The following GUCY1A2 variants were observed in gnomAD, a reference collection of about 807,000 sequenced individuals.
GUCY1A2 encodes the protein guanylate cyclase soluble subunit alpha-2.
A neutral mutation model predicts 63.5 loss-of-function variants in GUCY1A2; 27 were observed. The observed-to-expected ratio is 0.43, with a 90% CI of 0.31 to 0.59. GUCY1A2 has a LOEUF of 0.59. Among genes scored for constraint, GUCY1A2 ranks in the 20% least tolerant of loss-of-function variants. The pLI, the probability that GUCY1A2 is intolerant of heterozygous loss-of-function variation, is 0.11. For synonymous variants in GUCY1A2, 364 were observed against 343.5 expected (o/e 1.06, Z -0.66); for missense variants, 768 against 913.3 (o/e 0.84, Z 2.05).
chr11:106,788,470 G>GT (rs1864603594), intron 5 of GUCY1A2, among the ~76,000 whole-genome samples: 1 of 152,126 alleles, frequency 6.6e-6, no homozygotes, highest in Non-Finnish European at 1.5e-5. Context: ...CCACTCCAAT[G>GT]TCCTGAAGAG....
In GUCY1A2 at chr11:107,000,190, G is replaced by C. The variant is rs148507957; in HGVS notation, c.304-14059C>G. Among the ~76,000 whole-genome samples the C allele has an allele frequency of 2.3e-3, 353 of 152,314 alleles. 9 individuals carry two copies. The highest frequency in any genetic ancestry group is 9.1e-4 in the Non-Finnish European group (62 of 68,024). On this transcript the variant is annotated intron_variant, in intron 1 of 7. Coordinates refer to ENST00000526355, the MANE Select transcript of GUCY1A2 (RefSeq NM_000855.3). ...GGAAGATTGGTTTTCTTTGAAATGT[G>C]TTTACAATGGCAATAAGTTAACACA...
At chr11:106,973,851 T>A (rs1277842746) in intron 3 of GUCY1A2, among the ~76,000 whole-genome samples, 1 of 152,130 alleles carries the variant, frequency 6.6e-6, no homozygotes, top group Non-Finnish European at 1.5e-5. Context: ...AAAGCAAACA[T>A]TCATGTTCCA....
intron 3 of GUCY1A2, among the ~76,000 whole-genome samples, chr11:106,966,744 T>A (rs773755069): frequency 6.6e-6 from 1 of 152,158 alleles, no homozygotes; most frequent in African/African-American, 2.4e-5. Context: ...TTAAAGAAAT[T>A]GTATAAATTT....
chr11:106,807,783 G>A (rs1858711820), intron 5 of GUCY1A2, among the ~76,000 whole-genome samples: 1 of 152,178 alleles, frequency 6.6e-6, no homozygotes, highest in South Asian at 2.1e-4. Flanking sequence ...ATAAAAGCAG[G>A]CAGAGGAATG....
intron 2 of GUCY1A2, among the ~76,000 whole-genome samples, chr11:106,979,328 G>A (rs569518010): frequency 6.6e-6 from 1 of 152,110 alleles, no homozygotes; most frequent in Non-Finnish European, 1.5e-5. Context: ...GGTGGCAGGC[G>A]CCTGTAGTCC....
chr11:106,704,711 G>T (rs1164536210), intron 7 of GUCY1A2, among the ~76,000 whole-genome samples: 2 of 152,082 alleles, frequency 1.3e-5, no homozygotes, highest in African/African-American at 2.4e-5. Context: ...ACTGTAGCAA[G>T]AAAAAATAAT....
intron 5 of GUCY1A2, among the ~76,000 whole-genome samples, chr11:106,787,810 A>T (rs1296968702): frequency 2.0e-5 from 3 of 151,838 alleles, no homozygotes; most frequent in Admixed American, 6.6e-5. Context: ...GTTTCTTCCA[A>T]ATCTTGGCTA....
chr11:106,703,239 G>A (rs1862848566), intron 7 of GUCY1A2, among the ~76,000 whole-genome samples: 2 of 152,060 alleles, frequency 1.3e-5, no homozygotes, highest in South Asian at 2.1e-4. Context: ...GTGATCCTGT[G>A]AGTCAATACT....
Position 106,974,933 on chromosome 11 carries a change from A to AG in GUCY1A2, c.487+3685_487+3686insC, listed in dbSNP as rs546284881. ...AAACCTGCAAATCTTTATATGCTAT[A>AG]ACTCCTCAGTAAATGAATTAACCTA... On this transcript the variant is annotated intron_variant, in intron 3 of 7. Coordinates refer to ENST00000526355, the MANE Select transcript of GUCY1A2 (RefSeq NM_000855.3). Among the ~76,000 whole-genome samples, 52 of 152,256 alleles carry AG rather than the reference A, an allele frequency of 3.4e-4. 4 individuals carry two copies. The highest frequency in any genetic ancestry group is 2.2e-3 in the Admixed American group (34 of 15,278).
Position 106,687,578 on chromosome 11 carries a change from TGCC to T in GUCY1A2, c.2167_2169del (p.Gly723del). On this transcript the variant is annotated inframe_deletion, in exon 8 of 8. Coordinates refer to ENST00000526355, the MANE Select transcript of GUCY1A2 (RefSeq NM_000855.3). The stretch of plus-strand genomic sequence containing the variant: ...AGGCTTGTCTCCCGGAGGAACATGG[TGCC>T]GATGTTGTAGGAAACCTTTTTTATT... 1 of 1,613,840 alleles carries T rather than the reference TGCC, an allele frequency of 6.2e-7. No homozygotes were observed. The highest frequency in any genetic ancestry group is 8.5e-7 in the Non-Finnish European group (1 of 1,179,806).
chr11:106,762,559 G>A (rs974265996), intron 6 of GUCY1A2, among the ~76,000 whole-genome samples: 1 of 151,980 alleles, frequency 6.6e-6, no homozygotes. Context: ...TAATACTGAA[G>A]AATTATTATG....
intron 5 of GUCY1A2, among the ~76,000 whole-genome samples, chr11:106,792,214 C>T (rs1864675728): frequency 6.6e-6 from 1 of 151,922 alleles, no homozygotes; most frequent in Admixed American, 6.6e-5. Flanking sequence ...AGTGAAACCC[C>T]ATCTCTACTA....
chr11:106,801,410 T>C (rs1029794592), intron 5 of GUCY1A2, among the ~76,000 whole-genome samples: 7 of 152,192 alleles, frequency 4.6e-5, no homozygotes, highest in Admixed American at 6.6e-5. Flanking sequence ...TAAATGAATA[T>C]CTCATTTTAT....
chr11:106,829,995 A>G (rs1565303404), intron 4 of GUCY1A2, among the ~76,000 whole-genome samples: 2 of 152,222 alleles, frequency 1.3e-5, no homozygotes, highest in African/African-American at 2.4e-5. Context: ...AGAAGAAGGT[A>G]GTCATCAATA....
At chr11:106,699,818 G>C (rs1454413389) in intron 7 of GUCY1A2, among the ~76,000 whole-genome samples, 1 of 149,232 alleles carries the variant, frequency 6.7e-6, no homozygotes, top group African/African-American at 2.5e-5. Context: ...GTCTCGGTCT[G>C]TCGCCCAGGC....
intron 3 of GUCY1A2, among the ~76,000 whole-genome samples, chr11:106,959,803 T>C (rs1050728156): frequency 6.6e-5 from 10 of 152,216 alleles, no homozygotes; most frequent in Admixed American, 5.2e-4. Flanking sequence ...AGGGAAACAG[T>C]CTGGTAAAAC....
chr11:106,937,568 T>A (rs1200209844), intron 4 of GUCY1A2, among the ~76,000 whole-genome samples: 2 of 152,210 alleles, frequency 1.3e-5, no homozygotes, highest in Non-Finnish European at 1.5e-5. Flanking sequence ...AATATTGTGC[T>A]TCTGTAAAAC....
Position 106,685,453 on chromosome 11 carries a change from A to C in GUCY1A2, c.*2096T>G, listed in dbSNP as rs962028972. ...AATCTTTATAAAAAGTGAGAGAAAT[A>C]GATTGGATATTCCTGGAAGTCCCTT... On this transcript the variant is annotated 3_prime_UTR_variant, in exon 8 of 8. Coordinates refer to ENST00000526355, the MANE Select transcript of GUCY1A2 (RefSeq NM_000855.3). 1 of 221,636 alleles carries C rather than the reference A, an allele frequency of 4.5e-6. No individual in the cohort carries two copies. The highest frequency in any genetic ancestry group is 9.0e-6 in the Non-Finnish European group (1 of 110,924). 13.7% of individuals were successfully genotyped at this position (221,636 alleles called of 1,614,324 possible).
At chr11:106,877,249 G>A (rs1859762622) in intron 4 of GUCY1A2, among the ~76,000 whole-genome samples, 1 of 151,940 alleles carries the variant, frequency 6.6e-6, no homozygotes, top group South Asian at 2.1e-4. Flanking sequence ...CTAGGTATAG[G>A]ATCAAGTCAT....
Sources: allele counts gnomAD v4.1 joint callset (sites outside exome capture counted in the v4.1 genomes callset), GRCh38; gene constraint gnomAD v4.1.1; transcripts MANE v1.5; gene names NCBI Gene and HGNC (gene_info 2026-07-23, HGNC 2026-07-21).